RPL28: variants seen among roughly 807,000 people sequenced by gnomAD.
The protein encoded by RPL28 is ribosomal protein L28, also known as large ribosomal subunit protein eL28.
In RPL28, 4 loss-of-function variants were observed where a neutral mutation model predicts 12.5. The ratio of observed to expected loss-of-function variants is 0.32; its 90% CI spans 0.16 to 0.73. The LOEUF (loss-of-function observed/expected upper bound fraction) is 0.73. Among genes scored for constraint, RPL28 ranks in the 30% least tolerant of loss-of-function variants. The probability of loss-of-function intolerance (pLI) is 0.66; values close to 1 mark genes in which losing one functional copy is unlikely to be tolerated. For synonymous variants in RPL28, 91 were observed against 72.5 expected, an observed-to-expected ratio of 1.26 and a Z score of -1.30; for missense variants, 214 against 197.7, an observed-to-expected ratio of 1.08 and a Z score of -0.49.
rs2089994352 is a variant in RPL28 at position 55,391,972 on chromosome 19, A to G, written c.*3640A>G. ...CCTCCTGCCCGTGTTTGTGAATATC[A>G]TTCTGTCCTCAGCTGCATTTCCAGC... is the stretch of plus-strand genomic sequence containing the variant. On this transcript the variant is annotated 3_prime_UTR_variant, in exon 5 of 5. Coordinates refer to ENST00000344063, the MANE Select transcript of RPL28 (RefSeq NM_000991.5). 8.4e-7 allele frequency: 1 copy of G among 1,197,442 alleles called. No homozygotes were observed. Among genetic ancestry groups the G allele is most frequent in the Non-Finnish European group, 1.0e-6 (1 of 960,272 alleles). The allele number at this position is 1,197,442 out of a possible 1,614,324, so 74.2% of individuals were successfully genotyped here. A position where few individuals can be genotyped will look rare whatever the true frequency, so the allele number is the denominator to read the frequency against.
chr19:55,395,729 C>G (rs978667315), downstream of RPL28, among the ~76,000 whole-genome samples: 1 of 152,106 alleles, frequency 6.6e-6, no homozygotes, highest in Admixed American at 6.5e-5. Context: ...AGGCATGAGC[C>G]ACCGCGCCCA....
downstream of RPL28, among the ~76,000 whole-genome samples, chr19:55,394,721 G>A (rs951323557): frequency 6.6e-6 from 1 of 151,820 alleles, no homozygotes; most frequent in Admixed American, 6.6e-5. Context: ...ACAGGTGTGT[G>A]CTGCCACACC....
Position 55,386,783 on chromosome 19 carries a change from C to T in RPL28, c.205+90C>T, listed in dbSNP as rs771068831. 12 of 1,611,494 alleles carry T rather than the reference C, an allele frequency of 7.4e-6. No individual in the cohort carries two copies. The South Asian group carries it at 1.1e-4, about 15-fold the overall frequency. On this transcript the variant is annotated intron_variant, in intron 3 of 4. Coordinates refer to ENST00000344063, the MANE Select transcript of RPL28 (RefSeq NM_000991.5). ...TACTGTCAGGCAGGAAGAGCGGTAA[C>T]TGCCATCGCGGCGGGCATCCCTGGC...
At chr19:55,393,087 C>T (rs1600309548), downstream of RPL28, among the ~76,000 whole-genome samples, 1 of 152,220 alleles carries the variant, frequency 6.6e-6, no homozygotes, top group African/African-American at 2.4e-5. Flanking sequence ...CCCAGCCATC[C>T]CTAGCATGTC....
intron 4 of RPL28, chr19:55,401,797 G>C (rs1398700269): frequency 6.2e-6 from 10 of 1,610,018 alleles, no homozygotes; most frequent in African/African-American, 1.3e-5. Context: ...AGTGGGTCGG[G>C]CAACCTACAG....
chr19:55,390,745 A>C lies in RPL28; in HGVS notation c.*2413A>C. ...CTGGGGAGGCCACGTCTGGTATCTG[A>C]ATGCTATCGGTGGGTTGGGGTGGAG... On this transcript the variant is annotated 3_prime_UTR_variant, in exon 5 of 5. Transcript: ENST00000344063. The C allele has an allele frequency of 3.0e-6, 3 of 985,270 alleles. No individual in the cohort carries two copies. The South Asian group carries it at 1.4e-4, about 46-fold the overall frequency. The allele number at this position is 985,270 out of a possible 1,614,324, so 61.0% of individuals were successfully genotyped here. A position where few individuals can be genotyped will look rare whatever the true frequency, so the allele number is the denominator to read the frequency against.
Position 55,399,777 on chromosome 19 carries a change from G to A in RPL28, c.325-3166G>A, listed in dbSNP as rs116185341. On this transcript the variant is annotated intron_variant, in intron 4 of 4. Coordinates refer to the RPL28 transcript ENST00000560055. ...AAATATTATTTTTATTATGCACTTC[G>A]CTAAATTATTTCAGTGGGTTCCGAG... is the stretch of plus-strand genomic sequence containing the variant. 257 of 152,270 alleles carry A rather than the reference G, an allele frequency of 1.7e-3. 1 individual carries two copies. The highest frequency in any genetic ancestry group is 5.9e-3 in the African/African-American group (245 of 41,548). 9.4% of individuals were successfully genotyped at this position (152,270 alleles called of 1,614,324 possible).
Position 55,391,787 on chromosome 19 carries a change from A to T in RPL28, c.*3455A>T, listed in dbSNP as rs1299559118. 6 of 1,110,324 alleles carry T rather than the reference A, an allele frequency of 5.4e-6. No individual in the cohort carries two copies. In the African/African-American group the frequency reaches 1.9e-4, roughly 35 times the overall value. 68.8% of individuals were successfully genotyped at this position (1,110,324 alleles called of 1,614,324 possible). On this transcript the variant is annotated 3_prime_UTR_variant, in exon 5 of 5. Transcript: ENST00000344063. ...TTTTATAAATATTTTGATCAGATGG[A>T]CTCATGATCACAGATGTCTTCACAT... is the stretch of plus-strand genomic sequence containing the variant.
chr19:55,402,696 C>G (rs1600319361), intron 4 of RPL28, among the ~76,000 whole-genome samples: 1 of 152,190 alleles, frequency 6.6e-6, no homozygotes, highest in Non-Finnish European at 1.5e-5. Context: ...GCTGGCTGAG[C>G]CCCTGACAGG....
At chr19:55,396,478 C>CT (rs1410649408), downstream of RPL28, among the ~76,000 whole-genome samples, 1 of 4,942 alleles carries the variant, frequency 2.0e-4, no homozygotes. Flanking sequence ...GGAAAGTTCT[C>CT]CCCCCTCCCC....
chr19:55,389,090 C>T lies in RPL28; in HGVS notation c.*758C>T, dbSNP rs924034911. 99 of 985,414 alleles carry T rather than the reference C, an allele frequency of 1.0e-4. No individual in the cohort carries two copies. Among genetic ancestry groups the T allele is most frequent in the Non-Finnish European group, 1.1e-4 (93 of 830,026 alleles). 61.0% of individuals were successfully genotyped at this position (985,414 alleles called of 1,614,324 possible). Reference sequence around the variant, plus strand: ...ACCCAAGCTTTCCTGATTGCCCAGCCCTCTTGTTTCCTTTGGCCTGTTTGC... The same window carrying T: ...ACCCAAGCTTTCCTGATTGCCCAGCTCTCTTGTTTCCTTTGGCCTGTTTGC... On this transcript the variant is annotated 3_prime_UTR_variant, in exon 5 of 5. Coordinates refer to ENST00000344063, the MANE Select transcript of RPL28 (RefSeq NM_000991.5).
At chr19:55,403,000 C>A in exon 5 of RPL28, 3 of 1,533,492 alleles carry the variant, frequency 2.0e-6, no homozygotes, top group East Asian at 4.9e-5. Flanking sequence ...CCAGCCTAGA[C>A]CAGGACGCCT....
intron 3 of RPL28, 169 bp from the exon 4 acceptor site, chr19:55,387,761 C>T (rs2089947056): frequency 2.1e-6 from 3 of 1,457,118 alleles, no homozygotes; most frequent in Middle Eastern, 2.6e-4. Flanking sequence ...GACGAGTGAG[C>T]CTCTGTGAAA....
chr19:55,389,408 G>A lies in RPL28; in HGVS notation c.*1076G>A. On this transcript the variant is annotated 3_prime_UTR_variant, in exon 5 of 5. Transcript: ENST00000344063. ...GCTGTTGATCCTCACATGTTTCCTG[G>A]GCACCTAACTCTGTCAGCCACTGCC... 1.0e-6 allele frequency: 1 copy of A among 985,312 alleles called. No homozygotes were observed. The highest frequency in any genetic ancestry group is 1.2e-6 in the Non-Finnish European group (1 of 829,932). The allele number at this position is 985,312 out of a possible 1,614,324, so 61.0% of individuals were successfully genotyped here. A position where few individuals can be genotyped will look rare whatever the true frequency, so the allele number is the denominator to read the frequency against.
downstream of RPL28, among the ~76,000 whole-genome samples, chr19:55,396,412 C>T (rs2090022377): frequency 6.7e-6 from 1 of 149,950 alleles, no homozygotes; most frequent in South Asian, 2.1e-4. Context: ...CTACCAGACC[C>T]TCAAACCACC....
intron 4 of RPL28, chr19:55,401,406 G>T (rs761547344): frequency 1.3e-6 from 2 of 1,496,662 alleles, no homozygotes; most frequent in Non-Finnish European, 9.1e-7. Flanking sequence ...GGAGAGGTTG[G>T]GGTCACGGTG....
chr19:55,395,098 G>A (rs1300070565), downstream of RPL28, among the ~76,000 whole-genome samples: 2 of 152,068 alleles, frequency 1.3e-5, no homozygotes, highest in African/African-American at 2.4e-5. Flanking sequence ...ACCATGTGAT[G>A]AATATTAGCC....
In RPL28 at chr19:55,389,801, G is replaced by C. The variant is rs1302239657; in HGVS notation, c.*1469G>C. ...GCCTTAAAACTGAGTTGGGTGACTT[G>C]GTACCTGCTCAGGACCCCCCGCACT... On this transcript the variant is annotated 3_prime_UTR_variant, in exon 5 of 5. Coordinates refer to ENST00000344063, the MANE Select transcript of RPL28 (RefSeq NM_000991.5). 3 of 985,280 alleles carry C rather than the reference G, an allele frequency of 3.0e-6. No individual in the cohort carries two copies. Among genetic ancestry groups the C allele is most frequent in the Admixed American group, 6.2e-5 (1 of 16,246 alleles). 61.0% of individuals were successfully genotyped at this position (985,280 alleles called of 1,614,324 possible). A position where few individuals can be genotyped will look rare whatever the true frequency, so the allele number is the denominator to read the frequency against.
downstream of RPL28, among the ~76,000 whole-genome samples, chr19:55,396,563 C>CACCCA (rs1361579414): frequency 3.6e-5 from 1 of 27,816 alleles, no homozygotes; most frequent in African/African-American, 1.4e-4. Context: ...CTCCCCTCCC[C>CACCCA]TCCCCTCCCC....
Sources: gnomAD v4.1 joint callset for allele counts (sites outside exome capture counted in the v4.1 genomes callset) on GRCh38, gnomAD v4.1.1 for gene constraint, MANE v1.5 for transcripts, NCBI Gene and HGNC (gene_info 2026-07-23, HGNC 2026-07-21) for gene names.